The following ZZEF1 variants were observed in gnomAD, a reference collection of about 807,000 sequenced individuals.
ZZEF1 encodes zinc finger ZZ-type and EF-hand domain containing 1.
Under a neutral mutation model 342.8 loss-of-function variants are expected in ZZEF1, and 157 were observed. That is an observed-to-expected ratio of 0.46 (90% CI 0.40 to 0.52). The LOEUF (loss-of-function observed/expected upper bound fraction) is 0.52. Among genes scored for constraint, ZZEF1 ranks in the 20% least tolerant of loss-of-function variants. The pLI, the probability that ZZEF1 is intolerant of heterozygous loss-of-function variation, is 0.00. For missense variants in ZZEF1, 3,480 were observed against 3,725.6 expected (o/e 0.93, Z 1.72); for synonymous variants, 1,505 against 1,429.1 (o/e 1.05, Z -1.20).
chr17:4,055,067 C>G (rs958442106), intron 33 of ZZEF1, among the ~76,000 whole-genome samples: 1 of 152,154 alleles, frequency 6.6e-6, no homozygotes, highest in Admixed American at 6.5e-5. Context: ...CACTTACAGG[C>G]AAACTTTCTG....
At chr17:4,110,901 C>T (rs180829963) in intron 5 of ZZEF1, among the ~76,000 whole-genome samples, 17 of 152,070 alleles carry the variant, frequency 1.1e-4, no homozygotes, top group East Asian at 7.8e-4. Flanking sequence ...TTGGTAGAGA[C>T]GGAGTTTCAC....
chr17:4,068,687 T>G (rs1025870067), intron 26 of ZZEF1, among the ~76,000 whole-genome samples: 1 of 152,182 alleles, frequency 6.6e-6, no homozygotes, highest in African/African-American at 2.4e-5. Flanking sequence ...AGCTCTCTTT[T>G]GCATCTATGT....
chr17:4,141,862 T>C (rs1209628078), intron 1 of ZZEF1, among the ~76,000 whole-genome samples: 1 of 152,234 alleles, frequency 6.6e-6, no homozygotes, highest in African/African-American at 2.4e-5. Context: ...AATATTTTGT[T>C]GCCAAATCAA....
intron 9 of ZZEF1, among the ~76,000 whole-genome samples, chr17:4,101,749 C>A (rs957847945): frequency 6.6e-6 from 1 of 152,144 alleles, no homozygotes; most frequent in African/African-American, 2.4e-5. Context: ...GCCTCAGCCT[C>A]CCAAGTAGCT....
chr17:4,006,926 T>G lies in ZZEF1; in HGVS notation c.8850A>C (p.Pro2950=). Residue 2950 remains proline, a synonymous_variant, in exon 55 of 55, where the codon CCA becomes CCC. Transcript: ENST00000381638. ...CATTCCAGAGGCGGGTGGCCTTGTT[T>G]GGGTAGTTGATGGCCAGGCTGATGG... ...IAAISLAINY[P]NKATRLWNVE... 1 of 1,572,786 alleles carries G rather than the reference T, an allele frequency of 6.4e-7. No individual in the cohort carries two copies. Among genetic ancestry groups the G allele is most frequent in the Non-Finnish European group, 8.6e-7 (1 of 1,157,508 alleles).
At chr17:4,033,279 AGAAAATGTAG>A in intron 40 of ZZEF1, 1 of 338,472 alleles carries the variant, frequency 3.0e-6, no homozygotes, top group East Asian at 4.5e-5. Context: ...CAAACACAGA[AGAAAATGTAG>A]TGAGACAGCA....
intron 30 of ZZEF1, among the ~76,000 whole-genome samples, chr17:4,060,592 C>CA (rs1378124319): frequency 1.9e-4 from 29 of 151,436 alleles, no homozygotes; most frequent in East Asian, 5.8e-4. Context: ...AAAAAACAAA[C>CA]AAAAAAAACA....
chr17:4,049,470 G>A (rs775056798), intron 37 of ZZEF1, among the ~76,000 whole-genome samples: 6 of 152,108 alleles, frequency 3.9e-5, no homozygotes, highest in East Asian at 1.9e-4. Flanking sequence ...CCAAGATCAC[G>A]CCACTGCACT....
chr17:4,135,869 C>CTTTTTTTTTTTTTTTTTTTTTTTT (rs1567873792), intron 1 of ZZEF1, among the ~76,000 whole-genome samples: 4 of 152,164 alleles, frequency 2.6e-5, no homozygotes, highest in African/African-American at 7.2e-5. Context: ...TGCTTCTCAA[C>CTTTTTTTTTTTTTTTTTTTTTTTT]TTTTATTGGC....
intron 30 of ZZEF1, among the ~76,000 whole-genome samples, chr17:4,060,701 T>C (rs1015084822): frequency 1.3e-5 from 2 of 151,782 alleles, no homozygotes; most frequent in Non-Finnish European, 2.9e-5. Flanking sequence ...ACTATCCTTA[T>C]ATTTTACTTT....
In ZZEF1 at chr17:4,109,707, G is replaced by C; in HGVS notation, c.1223C>G (p.Thr408Arg). The C allele has an allele frequency of 6.2e-7, 1 of 1,614,136 alleles. No homozygotes were observed. Among genetic ancestry groups the C allele is most frequent in the South Asian group, 1.1e-5 (1 of 91,074 alleles). ...GGCGGGATTTGTCTCCATAGAAGCC[G>C]TCACCAGAGATGTCAGCAGAGACCA... is the stretch of plus-strand genomic sequence containing the variant. ...WYWSLLTSLV[T>R]ASMETNPAFV... The change falls in exon 6 of 55, where the codon ACG (threonine) becomes AGG (arginine). Residue 408 changes from threonine to arginine, a missense_variant. Physicochemically the swap from Thr to Arg is moderately conservative, Grantham distance 71 (BLOSUM62 -1). Coordinates refer to ENST00000381638, the MANE Select transcript of ZZEF1 (RefSeq NM_015113.4).
Position 4,114,401 on chromosome 17 carries a change from T to A in ZZEF1, c.764A>T (p.Tyr255Phe). ...TGCCGAGTTGGAGGATGTTTCTATA[T>A]AAGCATAGCACTTTGCTACTGACTT... Reference protein sequence around the residue: ...KLKSVAKCYAYIETSSNSADI... With the variant: ...KLKSVAKCYAFIETSSNSADI... Residue 255 changes from tyrosine (Y) to phenylalanine (F), a missense_variant, in exon 4 of 55, where the codon TAT (tyrosine) becomes TTT (phenylalanine). This residue lies in a region of ZZEF1 where 416 missense variants were observed against 374.2 expected (regional missense o/e 1.11). Coordinates refer to ENST00000381638, the MANE Select transcript of ZZEF1 (RefSeq NM_015113.4). 6.2e-7 allele frequency: 1 copy of A among 1,612,052 alleles called. No individual in the cohort carries two copies. The highest frequency in any genetic ancestry group is 8.5e-7 in the Non-Finnish European group (1 of 1,179,126).
At chr17:4,085,824 A>G in intron 15 of ZZEF1, 21 bp from the exon 16 acceptor site, 1 of 1,613,222 alleles carries the variant, frequency 6.2e-7, no homozygotes, top group Non-Finnish European at 8.5e-7. Context: ...GAACAATGGC[A>G]TCAGCTTTCA....
At chr17:4,126,921 T>C (rs920226113) in intron 1 of ZZEF1, among the ~76,000 whole-genome samples, 1 of 151,924 alleles carries the variant, frequency 6.6e-6, no homozygotes, top group Non-Finnish European at 1.5e-5. Flanking sequence ...GAGCCAAAAT[T>C]ATAACACTGC....
intron 38 of ZZEF1, 126 bp downstream of exon 38, chr17:4,044,098 G>T: frequency 1.0e-6 from 1 of 995,734 alleles, no homozygotes; most frequent in Non-Finnish European, 1.5e-6. Flanking sequence ...CATCTGAACA[G>T]AACTGAGAAA....
At chr17:4,047,965 T>A (rs2056960963) in intron 37 of ZZEF1, among the ~76,000 whole-genome samples, 2 of 151,984 alleles carry the variant, frequency 1.3e-5, no homozygotes, top group Non-Finnish European at 2.9e-5. Flanking sequence ...AAGTAATAGA[T>A]TTTTATCCAT....
At chr17:4,042,813 C>T (rs900405009) in intron 38 of ZZEF1, among the ~76,000 whole-genome samples, 1 of 152,254 alleles carries the variant, frequency 6.6e-6, no homozygotes, top group Non-Finnish European at 1.5e-5. Flanking sequence ...TCCCAAGTAG[C>T]TGGGATTACA....
At chr17:4,138,485 TA>T (rs2058790334) in intron 1 of ZZEF1, among the ~76,000 whole-genome samples, 2 of 152,112 alleles carry the variant, frequency 1.3e-5, no homozygotes, top group Non-Finnish European at 2.9e-5. Flanking sequence ...AGACTGAATA[TA>T]AAATATGAGG....
intron 33 of ZZEF1, among the ~76,000 whole-genome samples, chr17:4,055,926 G>A (rs1037172414): frequency 7.2e-5 from 11 of 152,218 alleles, no homozygotes; most frequent in African/African-American, 2.4e-4. Context: ...ACTCTCATAA[G>A]CAGCGCACAA....
Sources: gnomAD v4.1 joint callset for allele counts (sites outside exome capture counted in the v4.1 genomes callset) on GRCh38, gnomAD v4.1.1 for gene constraint, gnomAD v4.1.1 regional missense constraint, MANE v1.5 for transcripts, NCBI Gene and HGNC (gene_info 2026-07-23, HGNC 2026-07-21) for gene names.